SUGCT: variants seen among roughly 807,000 people sequenced by gnomAD.
SUGCT encodes the protein succinyl-CoA:glutarate-CoA transferase, also known as succinyl-CoA:glutarate CoA-transferase.
Under a neutral mutation model 55.0 loss-of-function variants are expected in SUGCT, and 41 were observed. The observed-to-expected ratio is 0.74, with a 90% CI of 0.58 to 0.97. The LOEUF (loss-of-function observed/expected upper bound fraction) is 0.97, where lower values mean the gene tolerates loss of function less well. SUGCT is among the 50% of genes least tolerant of loss of function. SUGCT has a pLI of 0.00. For synonymous variants in SUGCT, 187 were observed against 200.4 expected, an observed-to-expected ratio of 0.93 and a Z score of 0.56; for missense variants, 568 against 547.8, an observed-to-expected ratio of 1.04 and a Z score of -0.37.
chr7:40,198,869 C>A (rs1786437962), intron 6 of SUGCT, among the ~76,000 whole-genome samples: 2 of 151,934 alleles, frequency 1.3e-5, no homozygotes, highest in Admixed American at 1.3e-4. Flanking sequence ...TGGTGGGTGA[C>A]TATAATCCCA....
At chr7:40,267,579 T>C (rs4129802) in intron 7 of SUGCT, among the ~76,000 whole-genome samples, 43,256 of 151,970 alleles carry the variant, frequency 0.28, 6,421 homozygotes, top group East Asian at 0.48. Context: ...ACCCCATTCA[T>C]CCCAGAGTTA....
the SUGCT span, among the ~76,000 whole-genome samples, chr7:40,897,534 G>A: frequency 6.6e-6 from 1 of 152,020 alleles, no homozygotes; most frequent in African/African-American, 2.4e-5. Flanking sequence ...TTCAGGGATA[G>A]GATCCAAGTT....
chr7:40,805,169 G>A (rs1791026498), intron 13 of SUGCT, among the ~76,000 whole-genome samples: 1 of 152,140 alleles, frequency 6.6e-6, no homozygotes, highest in Admixed American at 6.6e-5. Context: ...CTTAAGGCAT[G>A]CTAGTTAATA....
intron 8 of SUGCT, among the ~76,000 whole-genome samples, chr7:40,280,721 T>C (rs770954699): frequency 6.6e-6 from 1 of 152,236 alleles, no homozygotes; most frequent in Non-Finnish European, 1.5e-5. Context: ...CCTGTGTTTC[T>C]GCTTTTTTAA....
chr7:40,664,084 A>C lies in SUGCT; in HGVS notation c.1090-85350A>C, dbSNP rs565351958. ...CAAGCCAAGTAGAGAGGCCTGGAAC[A>C]GATTCTTCTCTTAACGTCCTCAGAA... On this transcript the variant is annotated intron_variant, in intron 12 of 13. Transcript: ENST00000335693. 6.6e-5 allele frequency among the ~76,000 whole-genome samples: 10 copies of C among 152,314 alleles called. No homozygotes were observed. The South Asian group carries it at 2.1e-3, about 32-fold the overall frequency.
At chr7:40,948,433 CATGATGATG>C in the SUGCT span, among the ~76,000 whole-genome samples, 15,928 of 149,052 alleles carry the variant, frequency 0.11, 982 homozygotes, top group South Asian at 0.23. Context: ...CCCTGAAAAA[CATGATGATG>C]ATGATGATGA....
At chr7:40,418,564 A>G (rs572674746) in intron 9 of SUGCT, among the ~76,000 whole-genome samples, 7 of 152,210 alleles carry the variant, frequency 4.6e-5, no homozygotes, top group Non-Finnish European at 8.8e-5. Flanking sequence ...GGCACAGGCT[A>G]ACTGGCTGGC....
chr7:40,253,388 A>G (rs13247751), intron 7 of SUGCT, among the ~76,000 whole-genome samples: 62,103 of 151,978 alleles, frequency 0.41, 13,023 homozygotes, highest in East Asian at 0.5. Context: ...TTTCTTCATA[A>G]CAGTCATCTT....
intron 7 of SUGCT, among the ~76,000 whole-genome samples, chr7:40,242,906 C>CGCATATATATATATATATAT (rs1789502919): frequency 3.1e-5 from 1 of 32,232 alleles, no homozygotes; most frequent in East Asian, 1.3e-3. Context: ...TGCTATGTGG[C>CGCATATATATATATATATAT]ATATATATAT....
chr7:40,268,090 A>G (rs1021273685), intron 7 of SUGCT, among the ~76,000 whole-genome samples: 2 of 152,220 alleles, frequency 1.3e-5, no homozygotes, highest in Admixed American at 6.5e-5. Flanking sequence ...GTTTAAAAAT[A>G]CAACAGCTTT....
chr7:40,265,076 G>C (rs1791472513), intron 7 of SUGCT, among the ~76,000 whole-genome samples: 1 of 152,150 alleles, frequency 6.6e-6, no homozygotes, highest in Non-Finnish European at 1.5e-5. Context: ...GTTAGTAAAT[G>C]CTAGAAAAAT....
chr7:40,175,510 G>A (rs1784884250), intron 1 of SUGCT, among the ~76,000 whole-genome samples: 1 of 151,930 alleles, frequency 6.6e-6, no homozygotes, highest in South Asian at 2.1e-4. Flanking sequence ...GTGAATCACC[G>A]CACCTGGACT....
intron 1 of SUGCT, among the ~76,000 whole-genome samples, chr7:40,139,253 G>A (rs1482607469): frequency 1.3e-5 from 2 of 152,018 alleles, no homozygotes; most frequent in African/African-American, 2.4e-5. Context: ...GCTGGAGTTC[G>A]ATGGCAAGAT....
intron 9 of SUGCT, among the ~76,000 whole-genome samples, chr7:40,335,630 A>G (rs1796643763): frequency 6.6e-6 from 1 of 152,164 alleles, no homozygotes; most frequent in Admixed American, 6.5e-5. Flanking sequence ...GTAGCTTATC[A>G]GCTTAAGGAG....
At chr7:40,727,778 A>G (rs1584346457) in intron 12 of SUGCT, among the ~76,000 whole-genome samples, 1 of 152,236 alleles carries the variant, frequency 6.6e-6, no homozygotes, top group East Asian at 1.9e-4. Flanking sequence ...TCTAGTGCCT[A>G]TTAAGAAAGA....
At chr7:40,505,687 TAAA>T (rs1470203387) in intron 12 of SUGCT, among the ~76,000 whole-genome samples, 2 of 152,084 alleles carry the variant, frequency 1.3e-5, no homozygotes, top group Non-Finnish European at 2.9e-5. Flanking sequence ...CTATGTATAT[TAAA>T]AACTCAACAA....
intron 13 of SUGCT, among the ~76,000 whole-genome samples, chr7:40,769,505 CAGA>C (rs1788979423): frequency 6.6e-6 from 1 of 152,128 alleles, no homozygotes; most frequent in Non-Finnish European, 1.5e-5. Flanking sequence ...TAGTCAGAAT[CAGA>C]GGAGAATATG....
intron 12 of SUGCT, among the ~76,000 whole-genome samples, chr7:40,644,007 T>G (rs1800383289): frequency 6.6e-6 from 1 of 152,160 alleles, no homozygotes; most frequent in South Asian, 2.1e-4. Context: ...ACCTGTCGTT[T>G]GGGATGGGTG....
chr7:40,659,231 C>T (rs1202911342), intron 12 of SUGCT, among the ~76,000 whole-genome samples: 1 of 152,120 alleles, frequency 6.6e-6, no homozygotes, highest in African/African-American at 2.4e-5. Context: ...AAAGAAATGG[C>T]TGGGCAGTTC....
Sources: allele counts gnomAD v4.1 joint callset (sites outside exome capture counted in the v4.1 genomes callset), GRCh38; gene constraint gnomAD v4.1.1; transcripts MANE v1.5; gene names NCBI Gene and HGNC (gene_info 2026-07-23, HGNC 2026-07-21).